The following MARCHF2 variants were observed in gnomAD, a reference collection of about 807,000 sequenced individuals.
MARCHF2 encodes the protein E3 ubiquitin-protein ligase MARCHF2.
MARCHF2 carries 22 observed loss-of-function variants against 24.0 expected under a neutral mutation model. The ratio of observed to expected loss-of-function variants is 0.92; its 90% confidence interval spans 0.66 to 1.31. The LOEUF (loss-of-function observed/expected upper bound fraction) is 1.31, where lower values mean the gene tolerates loss of function less well. MARCHF2 is among the 50% of genes most tolerant of loss of function. MARCHF2 has a pLI of 0.00. For synonymous variants in MARCHF2, 154 were observed against 153.0 expected, an observed-to-expected ratio of 1.01 and a Z score of -0.05; for missense variants, 301 against 335.3, an observed-to-expected ratio of 0.90 and a Z score of 0.80.
intron 1 of MARCHF2, among the ~76,000 whole-genome samples, chr19:8,420,316 C>T (rs1390129193): frequency 6.7e-6 from 1 of 150,050 alleles, no homozygotes. Flanking sequence ...CCATTGCACT[C>T]CAGCCTGGGC....
intron 2 of MARCHF2, 130 bp downstream of exon 2, chr19:8,422,146 CACAA>C (rs1457466981): frequency 3.1e-6 from 3 of 957,166 alleles, no homozygotes; most frequent in South Asian, 1.9e-5. Context: ...GAGAAAGAGA[CACAA>C]ACAGTTATCG....
At chr19:8,414,672 C>G (rs1183031093) in intron 1 of MARCHF2, among the ~76,000 whole-genome samples, 1 of 152,016 alleles carries the variant, frequency 6.6e-6, no homozygotes, top group Non-Finnish European at 1.5e-5. Flanking sequence ...CCCTCTGATT[C>G]CTCTGCCCTC....
At chr19:8,438,344 C>T in intron 4 of MARCHF2, 44 bp from the exon 5 acceptor site, 1 of 1,603,866 alleles carries the variant, frequency 6.2e-7, no homozygotes, top group South Asian at 1.1e-5. Context: ...TGTTTTCCTC[C>T]CTTGCGGGTG....
chr19:8,421,990 C>T lies in MARCHF2; in HGVS notation c.150C>T (p.Thr50=), dbSNP rs368447547. Residue 50 remains threonine (T), a synonymous_variant, in exon 2 of 5, where the codon ACC becomes ACT. Transcript: ENST00000215555. ...VTSRDGRLLS[T]VIRALDTPSD... ...CAAGGGATGGCCGGCTCCTCTCCAC[C>T]GTCATCCGTGCCTTGGACACACCGA... The T allele has an allele frequency of 1.2e-4, 198 of 1,613,056 alleles. No homozygotes were observed. The highest frequency in any genetic ancestry group is 1.6e-4 in the Non-Finnish European group (189 of 1,179,688).
At position 8,438,580 on chromosome 19, in the gene MARCHF2, C is replaced by G. The variant is rs758749767; in HGVS notation, c.*34C>G. ...CTCTCCGGACCCTGCAGCAGAGAGG[C>G]CAGAGGTAGCTGGTGATACCCTGTC... On this transcript the variant is annotated 3_prime_UTR_variant, in exon 5 of 5. Transcript: ENST00000215555. 16 of 1,607,034 alleles carry G rather than the reference C, an allele frequency of 1.0e-5. No individual in the cohort carries two copies. Among genetic ancestry groups the G allele is most frequent in the Non-Finnish European group, 1.4e-5 (16 of 1,175,864 alleles).
At chr19:8,415,721 C>CAAAAAA (rs1309501077) in intron 1 of MARCHF2, among the ~76,000 whole-genome samples, 18 of 17,828 alleles carry the variant, frequency 1.0e-3, no homozygotes, top group Admixed American at 1.4e-3. Context: ...AACTCCATCT[C>CAAAAAA]AAAAAAAAAA....
intron 3 of MARCHF2, among the ~76,000 whole-genome samples, chr19:8,429,420 C>G (rs1453881163): frequency 2.0e-5 from 3 of 151,668 alleles, no homozygotes; most frequent in Admixed American, 6.6e-5. Context: ...GAGTTCAAGA[C>G]CAGCCTGGGC....
intron 2 of MARCHF2, among the ~76,000 whole-genome samples, chr19:8,424,360 A>G (rs1244914979): frequency 1.3e-5 from 2 of 151,780 alleles, no homozygotes; most frequent in African/African-American, 4.9e-5. Context: ...GCCCGCAAAG[A>G]TGTCCTTAAG....
At chr19:8,435,367 A>T (rs992520167) in intron 4 of MARCHF2, among the ~76,000 whole-genome samples, 2 of 151,948 alleles carry the variant, frequency 1.3e-5, no homozygotes, top group Admixed American at 1.3e-4. Flanking sequence ...TTAGGTTCAC[A>T]GCAAAATTTA....
intron 1 of MARCHF2, chr19:8,418,370 G>A (rs1364875891): frequency 3.3e-5 from 5 of 152,298 alleles, no homozygotes; most frequent in African/African-American, 1.2e-4. Context: ...GAACATGTGA[G>A]GCCAGGAAGG....
chr19:8,420,495 C>T (rs571177456), intron 1 of MARCHF2, among the ~76,000 whole-genome samples: 124 of 149,078 alleles, frequency 8.3e-4, no homozygotes, highest in Non-Finnish European at 1.4e-3. Flanking sequence ...GAGATCGTGC[C>T]ACTGCGCTCC....
At chr19:8,434,055 AT>A (rs1967649738) in intron 4 of MARCHF2, among the ~76,000 whole-genome samples, 1 of 134,822 alleles carries the variant, frequency 7.4e-6, no homozygotes, top group Non-Finnish European at 1.6e-5. Context: ...CTCACAAAGT[AT>A]TTTTCAATGA....
At chr19:8,425,853 G>C (rs1049710500) in intron 2 of MARCHF2, among the ~76,000 whole-genome samples, 3 of 151,462 alleles carry the variant, frequency 2.0e-5, no homozygotes, top group Non-Finnish European at 2.9e-5. Context: ...CTGACCTCAT[G>C]ATCCTCCTGC....
At chr19:8,437,813 C>T (rs942875218) in intron 4 of MARCHF2, among the ~76,000 whole-genome samples, 14 of 151,420 alleles carry the variant, frequency 9.2e-5, no homozygotes, top group Middle Eastern at 6.4e-3. Context: ...GGCGTGATTT[C>T]GGCTCACTGC....
At chr19:8,417,260 G>A (rs58160792) in intron 1 of MARCHF2, among the ~76,000 whole-genome samples, 148,784 of 152,120 alleles carry the variant, frequency 0.98, 72,854 homozygotes, top group East Asian at 1. Context: ...CCTGGCCAAC[G>A]TGGTGAAACC....
chr19:8,423,163 G>A (rs776687913), intron 2 of MARCHF2, among the ~76,000 whole-genome samples: 112 of 149,176 alleles, frequency 7.5e-4, no homozygotes, highest in Non-Finnish European at 1.3e-3. Flanking sequence ...GGGTTCAAGC[G>A]ATTCTCCTGC....
At position 8,421,792 on chromosome 19, in the gene MARCHF2, C is replaced by T. The variant is rs758940014; in HGVS notation, c.-49C>T. On this transcript the variant is annotated 5_prime_UTR_variant, in exon 2 of 5. Coordinates refer to ENST00000215555, the MANE Select transcript of MARCHF2 (RefSeq NM_001005415.2). ...CTCCGCACTGGCCTGTTCCCAGGCT[C>T]CTGGAACCATGGGCCTCAGGCCCTG... 7.8e-6 allele frequency: 12 copies of T among 1,542,454 alleles called. No individual in the cohort carries two copies. In the South Asian group the frequency reaches 1.1e-4, roughly 14 times the overall value.
chr19:8,416,640 G>A (rs1967094027), intron 1 of MARCHF2, among the ~76,000 whole-genome samples: 1 of 152,120 alleles, frequency 6.6e-6, no homozygotes, highest in Non-Finnish European at 1.5e-5. Context: ...TGTGATCATG[G>A]CTCACTGCAG....
intron 4 of MARCHF2, among the ~76,000 whole-genome samples, chr19:8,436,850 C>T (rs1967738738): frequency 1.3e-5 from 2 of 151,968 alleles, no homozygotes; most frequent in South Asian, 4.1e-4. Context: ...GCCACCATGC[C>T]TGGCTAATTT....
Sources: gnomAD v4.1 joint callset for allele counts (sites outside exome capture counted in the v4.1 genomes callset) on GRCh38, gnomAD v4.1.1 for gene constraint, MANE v1.5 for transcripts, NCBI Gene and HGNC (gene_info 2026-07-23, HGNC 2026-07-21) for gene names.